The following SEMA3D variants were observed in gnomAD, a reference collection of about 807,000 sequenced individuals.
SEMA3D encodes the protein semaphorin-3D.
SEMA3D carries 84 observed loss-of-function variants against 100.1 expected under a neutral mutation model. That is an observed-to-expected ratio of 0.84 (90% CI 0.70 to 1.01). The LOEUF is 1.01. Ranked by LOEUF, SEMA3D falls within the 50% of genes least tolerant of loss-of-function variation. The pLI is 0.00. For missense variants in SEMA3D, 875 were observed against 934.1 expected (o/e 0.94, Z 0.82); for synonymous variants, 312 against 320.7 (o/e 0.97, Z 0.29).
chr7:85,248,438 A>T, the SEMA3D span, among the ~76,000 whole-genome samples: 1 of 152,196 alleles, frequency 6.6e-6, no homozygotes, highest in African/African-American at 2.4e-5. Flanking sequence ...AACTAAAAAT[A>T]TTCTTACCAT....
intron 17 of SEMA3D, among the ~76,000 whole-genome samples, chr7:85,011,161 A>C (rs1789941389): frequency 6.6e-6 from 1 of 151,874 alleles, no homozygotes; most frequent in Non-Finnish European, 1.5e-5. Flanking sequence ...CAAAATTTCA[A>C]AATTTTAAGC....
intron 2 of SEMA3D, among the ~76,000 whole-genome samples, chr7:85,125,204 A>G (rs1223456769): frequency 6.6e-6 from 1 of 152,060 alleles, no homozygotes; most frequent in Admixed American, 6.6e-5. Flanking sequence ...ACGTGAATGT[A>G]TGTTTATATA....
intron 9 of SEMA3D, among the ~76,000 whole-genome samples, chr7:85,042,900 C>T (rs1790903161): frequency 6.6e-6 from 1 of 152,056 alleles, no homozygotes; most frequent in South Asian, 2.1e-4. Flanking sequence ...TTAGCATAGT[C>T]TCAGGCAACT....
At chr7:85,222,106 C>T in the SEMA3D span, among the ~76,000 whole-genome samples, 1 of 151,992 alleles carries the variant, frequency 6.6e-6, no homozygotes, top group Non-Finnish European at 1.5e-5. Context: ...AGAATATATG[C>T]CCTAAAAATT....
chr7:84,997,172 A>C lies in SEMA3D; in HGVS notation c.*2268T>G, dbSNP rs1789524604. On this transcript the variant is annotated 3_prime_UTR_variant, in exon 19 of 19. Transcript: ENST00000284136. ...CTAGGATTAGAAAGAAGTAACTAAA[A>C]AATGGTTTGGACATTCAAATTTGGA... 6.6e-6 allele frequency: 1 copy of C among 152,078 alleles called. No homozygotes were observed. The highest frequency in any genetic ancestry group is 2.4e-5 in the African/African-American group (1 of 41,462). The allele number at this position is 152,078 out of a possible 1,614,324, so 9.4% of individuals were successfully genotyped here. A position where few individuals can be genotyped will look rare whatever the true frequency, so the allele number is the denominator to read the frequency against.
chr7:85,220,207 G>C, the SEMA3D span, among the ~76,000 whole-genome samples: 1 of 151,806 alleles, frequency 6.6e-6, no homozygotes, highest in Admixed American at 6.6e-5. Context: ...ATGTGTTGTC[G>C]CTGTGTCTCT....
chr7:85,140,319 G>A (rs1790009563), intron 2 of SEMA3D: 1 of 981,914 alleles, frequency 1.0e-6, no homozygotes, highest in Admixed American at 6.2e-5. Flanking sequence ...GAGTGAAAAT[G>A]CACGGCATTA....
At chr7:85,062,109 G>T (rs1264011781) in intron 8 of SEMA3D, among the ~76,000 whole-genome samples, 1 of 152,126 alleles carries the variant, frequency 6.6e-6, no homozygotes, top group African/African-American at 2.4e-5. Flanking sequence ...ACAATATCAG[G>T]GGCGAGATAC....
In SEMA3D at chr7:85,091,975, T is replaced by C. The variant is rs73703772; in HGVS notation, c.312+5830A>G. ...CTACATACAATCACTTCTGGCCTTT[T>C]GGCTAAGATCAAGTGAAAAATCTGC... On this transcript the variant is annotated intron_variant, in intron 4 of 18. Transcript: ENST00000284136. Among the ~76,000 whole-genome samples the C allele has an allele frequency of 8.2e-4, 125 of 152,230 alleles. 1 individual carries two copies. Among genetic ancestry groups the C allele is most frequent in the African/African-American group, 2.9e-3 (121 of 41,574 alleles).
intron 9 of SEMA3D, among the ~76,000 whole-genome samples, chr7:85,052,058 TA>T (rs1791180826): frequency 6.6e-6 from 1 of 151,884 alleles, no homozygotes; most frequent in South Asian, 2.1e-4. Flanking sequence ...AGGCAAACAA[TA>T]AAAGAGCAGT....
the SEMA3D span, among the ~76,000 whole-genome samples, chr7:85,219,259 T>C: frequency 1.3e-5 from 2 of 151,824 alleles, no homozygotes; most frequent in Non-Finnish European, 2.9e-5. Flanking sequence ...GAAAAAGAAA[T>C]AAAACCAGGA....
chr7:85,141,985 C>A (rs1424533174), intron 2 of SEMA3D: 2 of 977,608 alleles, frequency 2.0e-6, no homozygotes, highest in Admixed American at 1.2e-4. Context: ...AATGCATTAA[C>A]CAAATCTTTA....
the SEMA3D span, among the ~76,000 whole-genome samples, chr7:85,199,886 G>A: frequency 6.6e-6 from 1 of 152,114 alleles, no homozygotes; most frequent in Non-Finnish European, 1.5e-5. Flanking sequence ...GAATTATGGA[G>A]GCAGGTGCGC....
rs1455438454 is a variant in SEMA3D at position 84,999,858 on chromosome 7, G to A, written c.1916C>T (p.Pro639Leu). 1 of 1,611,522 alleles carries A rather than the reference G, an allele frequency of 6.2e-7. No homozygotes were observed. Among genetic ancestry groups the A allele is most frequent in the African/African-American group, 1.3e-5 (1 of 74,758 alleles). The change falls in exon 19 of 19, where the codon CCC (proline) becomes CTC (leucine). Residue 639 changes from proline to leucine, a missense_variant. Pro to Leu is a moderately conservative substitution (Grantham distance 98). Transcript: ENST00000284136. ...TTCCGTTTTGATGATTCTTTCATCGGGCTTCAACTGCAGAATTGGAAAAAT... is the reference window on the plus strand; with the variant it reads ...TTCCGTTTTGATGATTCTTTCATCGAGCTTCAACTGCAGAATTGGAAAAAT... ...SGDEHREELK[P>L]DERIIKTEYG...
intron 2 of SEMA3D, among the ~76,000 whole-genome samples, chr7:85,132,020 TTAGA>T (rs1375188379): frequency 1.3e-5 from 2 of 151,932 alleles, no homozygotes; most frequent in Non-Finnish European, 1.5e-5. Flanking sequence ...TGAAATTATT[TTAGA>T]TAGTTAATTA....
the SEMA3D span, among the ~76,000 whole-genome samples, chr7:85,247,666 A>T: frequency 6.6e-6 from 1 of 152,126 alleles, no homozygotes; most frequent in Non-Finnish European, 1.5e-5. Context: ...AACTGTAGTA[A>T]TCAAGGCAAC....
chr7:85,214,416 C>T, the SEMA3D span, among the ~76,000 whole-genome samples: 137 of 152,152 alleles, frequency 9.0e-4, 2 homozygotes, highest in Middle Eastern at 3.4e-3. Flanking sequence ...AAGAAACATA[C>T]GACACCCAGA....
At chr7:85,148,341 T>G (rs1333481764) in intron 2 of SEMA3D, among the ~76,000 whole-genome samples, 1 of 152,194 alleles carries the variant, frequency 6.6e-6, no homozygotes, top group East Asian at 1.9e-4. Flanking sequence ...AGTGTTCTGT[T>G]TTGAGCTTTC....
At chr7:85,083,826 G>A (rs1407076344) in intron 4 of SEMA3D, among the ~76,000 whole-genome samples, 2 of 141,600 alleles carry the variant, frequency 1.4e-5, no homozygotes, top group Non-Finnish European at 1.5e-5. Flanking sequence ...CAGCCTGGGC[G>A]ACAGAGCGAG....
Sources: gnomAD v4.1 joint callset for allele counts (sites outside exome capture counted in the v4.1 genomes callset) on GRCh38, gnomAD v4.1.1 for gene constraint, MANE v1.5 for transcripts, NCBI Gene and HGNC (gene_info 2026-07-23, HGNC 2026-07-21) for gene names.